The following ZNF735 variants were observed in gnomAD, a reference collection of about 807,000 sequenced individuals.
ZNF735 encodes zinc finger protein 735.
A neutral mutation model predicts 13.4 loss-of-function variants in ZNF735; 11 were observed. The ratio of observed to expected loss-of-function variants is 0.82; its 90% CI spans 0.52 to 1.36. The LOEUF (loss-of-function observed/expected upper bound fraction) is 1.36, where lower values mean the gene tolerates loss of function less well. Among genes scored for constraint, ZNF735 ranks in the 40% most tolerant of loss-of-function variants. The pLI is 0.00. For missense variants in ZNF735, 500 were observed against 484.6 expected (o/e 1.03, Z -0.30); for synonymous variants, 171 against 162.6 (o/e 1.05, Z -0.39).
exon 4 of ZNF735, chr7:64,219,584 G>T (rs763909536): frequency 6.3e-7 from 1 of 1,577,598 alleles, no homozygotes; most frequent in Non-Finnish European, 8.6e-7. Context: ...CACAATGCAA[G>T]ATATACTGGA....
intron 3 of ZNF735, among the ~76,000 whole-genome samples, chr7:64,217,957 A>C (rs1787442020): frequency 6.6e-6 from 1 of 152,268 alleles, no homozygotes; most frequent in East Asian, 1.9e-4. Context: ...AATAACTAAA[A>C]ATGTTTTCTG....
chr7:64,218,961 A>AAC (rs1787454001), intron 3 of ZNF735, among the ~76,000 whole-genome samples: 2 of 152,148 alleles, frequency 1.3e-5, no homozygotes, highest in Admixed American at 1.3e-4. Flanking sequence ...CTGTTGTTGT[A>AAC]ACACTCACTT....
At chr7:64,214,476 A>C (rs1259836239) in intron 3 of ZNF735, among the ~76,000 whole-genome samples, 1 of 152,100 alleles carries the variant, frequency 6.6e-6, no homozygotes, top group East Asian at 1.9e-4. Flanking sequence ...ACCATTTAAA[A>C]AACTTTTTGC....
intron 1 of ZNF735, among the ~76,000 whole-genome samples, chr7:64,207,966 G>A (rs368503760): frequency 6.6e-6 from 1 of 150,528 alleles, no homozygotes; most frequent in Non-Finnish European, 1.5e-5. Flanking sequence ...CAGCCTGGGC[G>A]ACAAAGCAAG....
Position 64,207,221 on chromosome 7 carries a change from C to A in ZNF735, c.19C>A (p.Pro7Thr), listed in dbSNP as rs553468709. ...CAGATTTATGGCTAAAAGACCGGGACCCCCTGGAAGCCGAGAAATGGTGAG... is the reference window on the plus strand; with the variant it reads ...CAGATTTATGGCTAAAAGACCGGGAACCCCTGGAAGCCGAGAAATGGTGAG... Residue 7 changes from proline to threonine, a missense_variant, in exon 1 of 4, where the codon CCC becomes ACC. Physicochemically the swap from Pro to Thr is conservative, Grantham distance 38. Coordinates refer to ENST00000429565, the Ensembl canonical transcript of ZNF735. 9 of 1,614,160 alleles carry A rather than the reference C, an allele frequency of 5.6e-6. No homozygotes were observed. Among genetic ancestry groups the A allele is most frequent in the African/African-American group, 2.7e-5 (2 of 75,032 alleles).
intron 1 of ZNF735, among the ~76,000 whole-genome samples, chr7:64,212,531 G>T (rs1787372423): frequency 6.6e-6 from 1 of 152,170 alleles, no homozygotes; most frequent in Admixed American, 6.6e-5. Flanking sequence ...GGTGGCTCAT[G>T]CCTGCAATCC....
At chr7:64,208,521 G>A (rs897006984) in intron 1 of ZNF735, among the ~76,000 whole-genome samples, 1 of 151,926 alleles carries the variant, frequency 6.6e-6, no homozygotes, top group Non-Finnish European at 1.5e-5. Flanking sequence ...CCTCCCAACA[G>A]GCTTGGGTTA....
At chr7:64,213,343 T>G in intron 2 of ZNF735, 125 bp downstream of exon 2, 14 of 957,140 alleles carry the variant, frequency 1.5e-5, no homozygotes, top group Non-Finnish European at 2.1e-5. Context: ...ATCTTGGGGA[T>G]TCATTGGTGT....
chr7:64,216,667 A>G (rs1443463803), intron 3 of ZNF735, among the ~76,000 whole-genome samples: 1 of 151,586 alleles, frequency 6.6e-6, no homozygotes, highest in Admixed American at 6.6e-5. Context: ...GTGCAGTAGC[A>G]CAATCTTGGC....
chr7:64,217,007 C>T (rs1054244165), intron 3 of ZNF735, among the ~76,000 whole-genome samples: 2 of 152,190 alleles, frequency 1.3e-5, no homozygotes, highest in African/African-American at 2.4e-5. Context: ...GAGTTCTGTA[C>T]ATGTCTGTTT....
intron 1 of ZNF735, among the ~76,000 whole-genome samples, chr7:64,210,720 T>A (rs1787347047): frequency 6.6e-6 from 1 of 151,928 alleles, no homozygotes; most frequent in South Asian, 2.1e-4. Context: ...AACTTATATT[T>A]TATTAGTTAT....
chr7:64,215,613 A>G (rs546354299), intron 3 of ZNF735, among the ~76,000 whole-genome samples: 5 of 151,618 alleles, frequency 3.3e-5, no homozygotes, highest in African/African-American at 1.2e-4. Context: ...GCCAAGACCA[A>G]TGTCATGTCT....
At chr7:64,216,002 T>C (rs1787416209) in intron 3 of ZNF735, among the ~76,000 whole-genome samples, 1 of 152,126 alleles carries the variant, frequency 6.6e-6, no homozygotes. Context: ...ATAATAAAAT[T>C]TAAAAATTTT....
chr7:64,207,760 G>A (rs531689030), intron 1 of ZNF735, among the ~76,000 whole-genome samples: 3 of 152,124 alleles, frequency 2.0e-5, no homozygotes, highest in Non-Finnish European at 4.4e-5. Flanking sequence ...AGGCCGAGGC[G>A]GGCGGATCAC....
chr7:64,215,651 C>A (rs559015876), intron 3 of ZNF735, among the ~76,000 whole-genome samples: 2 of 135,568 alleles, frequency 1.5e-5, no homozygotes, highest in East Asian at 2.5e-4. Context: ...CTAAGAGTTT[C>A]ATTTTTTTTT....
intron 3 of ZNF735, among the ~76,000 whole-genome samples, chr7:64,214,692 G>T (rs954925475): frequency 6.6e-6 from 1 of 151,588 alleles, no homozygotes; most frequent in African/African-American, 2.4e-5. Context: ...ATGCAAGCAG[G>T]GTACCTCATG....
intron 1 of ZNF735, among the ~76,000 whole-genome samples, chr7:64,207,983 C>G (rs146760260): frequency 1.3e-5 from 2 of 148,752 alleles, no homozygotes; most frequent in Admixed American, 6.7e-5. Flanking sequence ...CAAGACTCCA[C>G]CTCAAAAAAA....
Position 64,218,764 on chromosome 7 carries a change from C to T in ZNF735, c.263-550C>T, listed in dbSNP as rs567357837. Among the ~76,000 whole-genome samples, 4 of 152,264 alleles carry T rather than the reference C, an allele frequency of 2.6e-5. 1 individual carries two copies. In the South Asian group the frequency reaches 6.2e-4, roughly 24 times the overall value. ...CTTTCACAATCTTTGTAATGCAGCT[C>T]TTTCTTGGCATAGCCTGAAAGCAAT... On this transcript the variant is annotated intron_variant, in intron 3 of 3. Transcript: ENST00000429565.
At chr7:64,214,022 T>C (rs765786303) in exon 3 of ZNF735, 1 of 1,596,976 alleles carries the variant, frequency 6.3e-7, no homozygotes, top group South Asian at 1.1e-5. Context: ...GGTATGACTG[T>C]CTCTAAGCCA....
Sources: gnomAD v4.1 joint callset for allele counts (sites outside exome capture counted in the v4.1 genomes callset) on GRCh38, gnomAD v4.1.1 for gene constraint, MANE v1.5 for transcripts, NCBI Gene and HGNC (gene_info 2026-07-23, HGNC 2026-07-21) for gene names.